FAM135B: variants seen among roughly 807,000 people sequenced by gnomAD.
The protein encoded by FAM135B is family with sequence similarity 135 member B, also known as protein FAM135B.
Under a neutral mutation model 127.7 loss-of-function variants are expected in FAM135B, and 43 were observed. The observed-to-expected ratio is 0.34, with a 90% confidence interval of 0.26 to 0.43. FAM135B has a LOEUF of 0.43. Ranked by LOEUF, FAM135B falls within the 20% of genes least tolerant of loss-of-function variation. The probability of loss-of-function intolerance (pLI) is 1.00; values close to 1 mark genes in which losing one functional copy is unlikely to be tolerated. For synonymous variants in FAM135B, 670 were observed against 665.1 expected, an observed-to-expected ratio of 1.01 and a Z score of -0.11; for missense variants, 1,558 against 1,725.6, an observed-to-expected ratio of 0.90 and a Z score of 1.72.
chr8:138,470,802 C>T (rs1271235310), intron 1 of FAM135B, among the ~76,000 whole-genome samples: 3 of 152,228 alleles, frequency 2.0e-5, no homozygotes, highest in African/African-American at 7.2e-5. Context: ...GGTCACACTA[C>T]ATGTGACGTC....
At chr8:138,392,069 G>A (rs1832606633) in intron 1 of FAM135B, among the ~76,000 whole-genome samples, 1 of 152,182 alleles carries the variant, frequency 6.6e-6, no homozygotes, top group Admixed American at 6.5e-5. Context: ...TTAATTGCAT[G>A]GAACCAAATA....
At chr8:138,202,279 T>A (rs1429294480) in intron 7 of FAM135B, among the ~76,000 whole-genome samples, 1 of 151,974 alleles carries the variant, frequency 6.6e-6, no homozygotes, top group Non-Finnish European at 1.5e-5. Context: ...AGATAAGGCC[T>A]TGCTTTGTTA....
chr8:138,315,161 T>C (rs896282816), intron 2 of FAM135B, among the ~76,000 whole-genome samples: 1 of 152,092 alleles, frequency 6.6e-6, no homozygotes, highest in Non-Finnish European at 1.5e-5. Context: ...ACAAAGGACC[T>C]GAATACACAT....
chr8:138,337,338 T>C (rs1316966054), intron 2 of FAM135B, among the ~76,000 whole-genome samples: 1 of 151,968 alleles, frequency 6.6e-6, no homozygotes, highest in Non-Finnish European at 1.5e-5. Flanking sequence ...GCAGATGACA[T>C]CATTGTATAT....
chr8:138,298,331 C>G (rs773988524), intron 3 of FAM135B, among the ~76,000 whole-genome samples: 1 of 152,108 alleles, frequency 6.6e-6, no homozygotes, highest in Non-Finnish European at 1.5e-5. Flanking sequence ...ACTTGCGTAT[C>G]AACAAGTGAA....
At chr8:138,212,690 G>T (rs1265384764) in intron 7 of FAM135B, among the ~76,000 whole-genome samples, 2 of 152,156 alleles carry the variant, frequency 1.3e-5, no homozygotes, top group African/African-American at 2.4e-5. Flanking sequence ...ATTTATAGAT[G>T]GCACTTTCAT....
Position 138,135,627 on chromosome 8 carries a change from T to G in FAM135B, c.4015+1520A>C, listed in dbSNP as rs558480795. Among the ~76,000 whole-genome samples the G allele has an allele frequency of 7.2e-5, 11 of 152,250 alleles. No homozygotes were observed. The South Asian group carries it at 1.9e-3, about 26-fold the overall frequency. On this transcript the variant is annotated intron_variant, in intron 19 of 19. Transcript: ENST00000395297. The stretch of plus-strand genomic sequence containing the variant: ...TAGAAGGGAATTTGGCAAAAAACTT[T>G]AAGAGTAGTAACTCATTAACATTTT...
intron 2 of FAM135B, among the ~76,000 whole-genome samples, chr8:138,329,350 C>A (rs1828014666): frequency 6.6e-6 from 1 of 152,178 alleles, no homozygotes; most frequent in Admixed American, 6.6e-5. Flanking sequence ...AATCATGATT[C>A]CCTCTCTTGG....
intron 11 of FAM135B, among the ~76,000 whole-genome samples, chr8:138,170,695 A>G (rs751048513): frequency 2.1e-4 from 32 of 152,140 alleles, no homozygotes; most frequent in Non-Finnish European, 3.7e-4. Context: ...ATTATTCTCA[A>G]TTCTTCTGCT....
At chr8:138,272,761 T>C (rs1227535667) in intron 3 of FAM135B, among the ~76,000 whole-genome samples, 1 of 152,238 alleles carries the variant, frequency 6.6e-6, no homozygotes, top group Non-Finnish European at 1.5e-5. Flanking sequence ...TTTCCTTCGA[T>C]TGGTCATAAC....
intron 1 of FAM135B, among the ~76,000 whole-genome samples, chr8:138,388,564 G>T (rs1159495458): frequency 2.0e-5 from 3 of 152,124 alleles, no homozygotes; most frequent in Non-Finnish European, 2.9e-5. Flanking sequence ...TCAGCAGTAA[G>T]AATAAATGAG....
chr8:138,182,071 C>G (rs1815096459), intron 9 of FAM135B, among the ~76,000 whole-genome samples: 1 of 152,222 alleles, frequency 6.6e-6, no homozygotes, highest in African/African-American at 2.4e-5. Context: ...TTCCCTCACT[C>G]ACAGCACCAC....
chr8:138,195,484 G>A (rs1225543999), intron 8 of FAM135B, among the ~76,000 whole-genome samples, 177 bp from the exon 9 acceptor site: 2 of 145,540 alleles, frequency 1.4e-5, no homozygotes, highest in African/African-American at 5.4e-5. Flanking sequence ...TCAGGAGAAT[G>A]AACCTGATTG....
chr8:138,299,596 C>T (rs1825728600), intron 3 of FAM135B, among the ~76,000 whole-genome samples: 1 of 151,624 alleles, frequency 6.6e-6, no homozygotes, highest in Admixed American at 6.6e-5. Context: ...TACACACACA[C>T]ACACACACAC....
At chr8:138,339,377 A>ATATG (rs1407564238) in intron 2 of FAM135B, among the ~76,000 whole-genome samples, 184 of 90,408 alleles carry the variant, frequency 2.0e-3, no homozygotes, top group African/African-American at 6.3e-3. Context: ...ATATATATAT[A>ATATG]TATATATTTT....
chr8:138,461,165 A>G (rs1162657279), intron 1 of FAM135B, among the ~76,000 whole-genome samples: 1 of 152,124 alleles, frequency 6.6e-6, no homozygotes, highest in Non-Finnish European at 1.5e-5. Context: ...ACTATTAGTC[A>G]TGGATACTCT....
chr8:138,351,175 T>C lies in FAM135B; in HGVS notation c.77+16732A>G, dbSNP rs575664286. Reference sequence around the variant, plus strand: ...GCAGATGTCACCTGTACAGGCTGAATTGTGTCCCCTTCAAAGAGATATGCT... The same window carrying C: ...GCAGATGTCACCTGTACAGGCTGAACTGTGTCCCCTTCAAAGAGATATGCT... On this transcript the variant is annotated intron_variant, in intron 2 of 19. Transcript: ENST00000395297. Among the ~76,000 whole-genome samples, 99 of 152,320 alleles carry C rather than the reference T, an allele frequency of 6.5e-4. 2 individuals carry two copies. The highest frequency in any genetic ancestry group is 6.3e-3 in the Admixed American group (97 of 15,288).
intron 2 of FAM135B, among the ~76,000 whole-genome samples, 176 bp from the exon 3 acceptor site, chr8:138,311,096 T>A (rs1234323223): frequency 6.6e-6 from 1 of 152,202 alleles, no homozygotes; most frequent in Non-Finnish European, 1.5e-5. Context: ...GAGAGGGAAG[T>A]GACGGGGCAG....
intron 3 of FAM135B, among the ~76,000 whole-genome samples, chr8:138,307,893 A>G (rs1198954110): frequency 6.6e-6 from 1 of 152,144 alleles, no homozygotes; most frequent in Non-Finnish European, 1.5e-5. Context: ...ATTTTTGCCT[A>G]AAGATATATT....
Sources: gnomAD v4.1 joint callset for allele counts (sites outside exome capture counted in the v4.1 genomes callset) on GRCh38, gnomAD v4.1.1 for gene constraint, MANE v1.5 for transcripts, NCBI Gene and HGNC (gene_info 2026-07-23, HGNC 2026-07-21) for gene names.